CRX: variants seen among roughly 807,000 people sequenced by gnomAD.
The protein encoded by CRX is cone-rod homeobox protein.
In CRX, 5 loss-of-function variants were observed where a neutral mutation model predicts 13.1. The ratio of observed to expected loss-of-function variants is 0.38; its 90% confidence interval spans 0.20 to 0.80. CRX has a LOEUF of 0.80. Among genes scored for constraint, CRX ranks in the 30% least tolerant of loss-of-function variants. The pLI, the probability that CRX is intolerant of heterozygous loss-of-function variation, is 0.43. For synonymous variants in CRX, 179 were observed against 171.1 expected (o/e 1.05, Z -0.36); for missense variants, 351 against 391.8 (o/e 0.90, Z 0.88).
At position 47,840,113 on chromosome 19, in the gene CRX, A is replaced by G. The variant is rs1342922493; in HGVS notation, c.*146A>G. The stretch of plus-strand genomic sequence containing the variant: ...TCTGACAGCTCGGTGTTCAGCTTAC[A>G]GAGACCACCCCTTTCCTCCACAGGG... On this transcript the variant is annotated 3_prime_UTR_variant, in exon 4 of 4. Transcript: ENST00000221996. 2.3e-6 allele frequency: 2 copies of G among 881,282 alleles called. No homozygotes were observed. The highest frequency in any genetic ancestry group is 2.1e-5 in the Admixed American group (1 of 47,264). 54.6% of individuals were successfully genotyped at this position (881,282 alleles called of 1,614,324 possible). A position where few individuals can be genotyped will look rare whatever the true frequency, so the allele number is the denominator to read the frequency against.
rs1411435746 is a variant in CRX, at chr19:47,824,502, C to T, written c.-36+2492C>T. ...CAGAAGCCGCCTGGGAGGAAGTTTC[C>T]ATGGAGTTACTGTTGCCTGAGATCT... On this transcript the variant is annotated intron_variant, in intron 1 of 3. Transcript: ENST00000221996. Among the ~76,000 whole-genome samples, 4 of 152,166 alleles carry T rather than the reference C, an allele frequency of 2.6e-5. No individual in the cohort carries two copies. In the East Asian group the frequency reaches 7.7e-4, roughly 29 times the overall value.
rs2123745161 is a variant in CRX, at chr19:47,841,557, AT to A, written c.*1592del. On this transcript the variant is annotated 3_prime_UTR_variant, in exon 4 of 4. Coordinates refer to ENST00000221996, the MANE Select transcript of CRX (RefSeq NM_000554.6). ...AGGCAGCCCTACATTTCAAACATAC[AT>A]TCCCTTTTTTAGATTTTTTTTTTTT... 1 of 149,060 alleles carries A rather than the reference AT, an allele frequency of 6.7e-6. No individual in the cohort carries two copies. Among genetic ancestry groups the A allele is most frequent in the African/African-American group, 2.5e-5 (1 of 40,158 alleles). The allele number at this position is 149,060 out of a possible 1,614,324, so 9.2% of individuals were successfully genotyped here. A position where few individuals can be genotyped will look rare whatever the true frequency, so the allele number is the denominator to read the frequency against.
chr19:47,831,077 G>A (rs4439869), intron 1 of CRX, among the ~76,000 whole-genome samples: 9,598 of 151,960 alleles, frequency 0.063, 428 homozygotes, highest in Non-Finnish European at 0.09. Flanking sequence ...GGGAAGCCGA[G>A]GCAGGCGGAT....
chr19:47,834,617 C>T (rs992420162), intron 2 of CRX, 74 bp downstream of exon 2: 97 of 1,285,230 alleles, frequency 7.5e-5, no homozygotes, highest in Admixed American at 9.4e-5. Flanking sequence ...CCCTTTGCCC[C>T]CAGGAAGAAG....
chr19:47,832,105 G>GTTTTTTTTTTTTTTTT lies in CRX; in HGVS notation c.-35-2301_-35-2286dup, dbSNP rs71180891. ...AAATCAGTTCAGAGAGCAGCCTTAT[G>GTTTTTTTTTTTTTTTT]TTTTTTTTTTTTTTTTTTGAGACGG... On this transcript the variant is annotated intron_variant, in intron 1 of 3. Coordinates refer to ENST00000221996, the MANE Select transcript of CRX (RefSeq NM_000554.6). 1.2e-3 allele frequency among the ~76,000 whole-genome samples: 107 copies of GTTTTTTTTTTTTTTTT among 91,980 alleles called. 12 individuals carry two copies. The highest frequency in any genetic ancestry group is 0.011 in the Middle Eastern group (1 of 94). 60.3% of individuals were successfully genotyped at this position (91,980 alleles called of 152,430 possible).
At chr19:47,833,930 C>T (rs1315625134) in intron 1 of CRX, among the ~76,000 whole-genome samples, 1 of 152,108 alleles carries the variant, frequency 6.6e-6, no homozygotes, top group Non-Finnish European at 1.5e-5. Flanking sequence ...ATCCTCCCAC[C>T]TCAGCCTCCT....
intron 1 of CRX, among the ~76,000 whole-genome samples, chr19:47,833,274 TTTTTGTTTTG>T (rs990070838): frequency 2.0e-5 from 3 of 150,256 alleles, no homozygotes; most frequent in Non-Finnish European, 4.4e-5. Flanking sequence ...TGTTTTTGTT[TTTTTGTTTTG>T]TTTTGTTTTG....
chr19:47,824,980 C>G (rs967323410), intron 1 of CRX, among the ~76,000 whole-genome samples: 1 of 118,354 alleles, frequency 8.4e-6, no homozygotes, highest in Non-Finnish European at 1.8e-5. Flanking sequence ...GGTCCTCTTT[C>G]GATTGATTGA....
At chr19:47,838,176 T>C (rs1423328519) in intron 3 of CRX, among the ~76,000 whole-genome samples, 2 of 152,108 alleles carry the variant, frequency 1.3e-5, no homozygotes, top group Non-Finnish European at 2.9e-5. Flanking sequence ...ATGTATATGA[T>C]GTATGTATGA....
chr19:47,823,673 GGA>G (rs1043426716), intron 1 of CRX, among the ~76,000 whole-genome samples: 1 of 138,596 alleles, frequency 7.2e-6, no homozygotes, highest in Non-Finnish European at 1.5e-5. Context: ...TTTTTGAGAC[GGA>G]GTCTCACTCT....
intron 1 of CRX, among the ~76,000 whole-genome samples, chr19:47,827,445 A>G (rs1325753677): frequency 2.0e-5 from 3 of 147,148 alleles, no homozygotes; most frequent in Admixed American, 6.9e-5. Context: ...CCAGATCCAC[A>G]CAAATTCCTA....
At chr19:47,833,884 C>T (rs1968084772) in intron 1 of CRX, among the ~76,000 whole-genome samples, 1 of 151,880 alleles carries the variant, frequency 6.6e-6, no homozygotes. Context: ...GGCCTGAACA[C>T]AGCTCACTGC....
rs774657041 is a variant in CRX, at chr19:47,839,648, C to A, written c.581C>A (p.Thr194Asn). 1.4e-5 allele frequency: 22 copies of A among 1,613,378 alleles called. No individual in the cohort carries two copies. Among genetic ancestry groups the A allele is most frequent in the Non-Finnish European group, 1.9e-5 (22 of 1,179,956 alleles). Residue 194 changes from threonine (T) to asparagine (N), a missense_variant, in exon 4 of 4, where the codon ACC (threonine) becomes AAC (asparagine). Physicochemically the swap from Thr to Asn is moderately conservative, Grantham distance 65. This residue lies in a region of CRX where 253 missense variants were observed against 268.3 expected (regional missense o/e 0.94). Coordinates refer to ENST00000221996, the MANE Select transcript of CRX (RefSeq NM_000554.6). The surrounding 1 kb of genome is among the most constrained non-coding windows in gnomAD (Gnocchi z 4.6). ...CTGACCTCCGCCCCCTATGCCATGA[C>A]CTACGCCCCGGCCTCCGCTTTCTGC... ...PSLTSAPYAM[T>N]YAPASAFCSS... is the part of the protein sequence containing the mutation.
chr19:47,839,778 C>T lies in CRX; in HGVS notation c.711C>T (p.Leu237=). The T allele has an allele frequency of 2.5e-6, 4 of 1,614,134 alleles. No individual in the cohort carries two copies. In the South Asian group the frequency reaches 4.4e-5, roughly 18 times the overall value. Residue 237 remains leucine, a synonymous_variant, in exon 4 of 4, where the codon CTC becomes CTT. Transcript: ENST00000221996. The surrounding 1 kb of genome is among the most constrained non-coding windows in gnomAD (Gnocchi z 4.6). Reference sequence around the variant, plus strand: ...TAGGGGGCCCGGCTCTTAGCCCCCTCTCTGGCCCCTCCGTGGGACCTTCCC... The same window carrying T: ...TAGGGGGCCCGGCTCTTAGCCCCCTTTCTGGCCCCTCCGTGGGACCTTCCC... ...PQLGGPALSP[L]SGPSVGPSLA... is the part of the protein sequence containing the mutation.
chr19:47,828,528 AG>A (rs1413282762), intron 1 of CRX, among the ~76,000 whole-genome samples: 2 of 152,128 alleles, frequency 1.3e-5, no homozygotes, highest in Admixed American at 1.3e-4. Context: ...GGTAACTGAT[AG>A]AATTTGAGGG....
At chr19:47,824,645 C>T (rs1204402947) in intron 1 of CRX, among the ~76,000 whole-genome samples, 2 of 152,098 alleles carry the variant, frequency 1.3e-5, no homozygotes, top group Non-Finnish European at 2.9e-5. Context: ...TCAGTCTCCC[C>T]CGCTGTAGAA....
chr19:47,827,230 G>T lies in CRX; in HGVS notation c.-36+5220G>T, dbSNP rs759800332. Among the ~76,000 whole-genome samples the T allele has an allele frequency of 2.0e-5, 3 of 152,064 alleles. No homozygotes were observed. In the East Asian group the frequency reaches 5.8e-4, roughly 29 times the overall value. On this transcript the variant is annotated intron_variant, in intron 1 of 3. Coordinates refer to ENST00000221996, the MANE Select transcript of CRX (RefSeq NM_000554.6). ...TTTATTGTCAGCACTGAGCCTTCTC[G>T]TGACATTCCTACCAGGTTTTACTTG...
At chr19:47,822,326 G>A (rs753017636) in intron 1 of CRX, among the ~76,000 whole-genome samples, 9 of 152,178 alleles carry the variant, frequency 5.9e-5, no homozygotes, top group African/African-American at 9.7e-5. Context: ...GCTTCTCACC[G>A]TGGTTCTAAG....
At chr19:47,826,288 C>T (rs12462820) in intron 1 of CRX, among the ~76,000 whole-genome samples, 32,281 of 151,640 alleles carry the variant, frequency 0.21, 3,575 homozygotes, top group African/African-American at 0.24. Flanking sequence ...GTCACACTTT[C>T]GAGCCTGAAG....
Sources: gnomAD v4.1 joint callset for allele counts (sites outside exome capture counted in the v4.1 genomes callset) on GRCh38, gnomAD v4.1.1 for gene constraint, gnomAD v4.1.1 regional missense constraint, Gnocchi (gnomAD v3.1) non-coding constraint, MANE v1.5 for transcripts, NCBI Gene and HGNC (gene_info 2026-07-23, HGNC 2026-07-21) for gene names.